ROBO1: variants seen among roughly 807,000 people sequenced by gnomAD.
ROBO1 encodes the protein roundabout homolog 1.
ROBO1 carries 149 observed loss-of-function variants against 195.9 expected under a neutral mutation model. That is an observed-to-expected ratio of 0.76 (90% confidence interval 0.67 to 0.87). ROBO1 has a LOEUF of 0.87. Ranked by LOEUF, ROBO1 falls within the 40% of genes least tolerant of loss-of-function variation. ROBO1 has a pLI of 0.00. For synonymous variants in ROBO1, 816 were observed against 733.2 expected, an observed-to-expected ratio of 1.11 and a Z score of -1.82; for missense variants, 1,933 against 2,068.3, an observed-to-expected ratio of 0.93 and a Z score of 1.27.
At chr3:79,014,628 T>C (rs1295747179) in intron 3 of ROBO1, among the ~76,000 whole-genome samples, 1 of 152,190 alleles carries the variant, frequency 6.6e-6, no homozygotes, top group East Asian at 1.9e-4. Context: ...ACTACACTTC[T>C]CCAGACTTCT....
intron 2 of ROBO1, among the ~76,000 whole-genome samples, chr3:79,567,334 C>A (rs1943122152): frequency 6.6e-6 from 1 of 152,058 alleles, no homozygotes; most frequent in Non-Finnish European, 1.5e-5. Flanking sequence ...AACAAACCAC[C>A]AGGACACATG....
chr3:79,137,016 T>A (rs1480702216), intron 2 of ROBO1, among the ~76,000 whole-genome samples: 2 of 152,054 alleles, frequency 1.3e-5, no homozygotes, highest in Non-Finnish European at 2.9e-5. Context: ...AAAGCAGCAA[T>A]ATGAGAACAG....
Position 79,320,505 on chromosome 3 carries a change from T to G in ROBO1, c.89-194966A>C, listed in dbSNP as rs188678478. ...ATCATGCCCAGCTAATTTTTGTAGT[T>G]TTTTTGCAGAGATGGAGTTTTGCCA... On this transcript the variant is annotated intron_variant, in intron 2 of 30. Coordinates refer to ENST00000464233, the MANE Select transcript of ROBO1 (RefSeq NM_002941.4). Among the ~76,000 whole-genome samples, 36 of 152,150 alleles carry G rather than the reference T, an allele frequency of 2.4e-4. No individual in the cohort carries two copies. The East Asian group carries it at 7.0e-3, about 29-fold the overall frequency.
intron 4 of ROBO1, among the ~76,000 whole-genome samples, chr3:78,851,369 T>C (rs1230865713): frequency 6.6e-6 from 1 of 152,204 alleles, no homozygotes; most frequent in East Asian, 1.9e-4. Context: ...ACATGCTTCT[T>C]AGTTTACGTA....
At chr3:79,079,793 C>A (rs1455603032) in intron 3 of ROBO1, among the ~76,000 whole-genome samples, 1 of 151,698 alleles carries the variant, frequency 6.6e-6, no homozygotes, top group Non-Finnish European at 1.5e-5. Flanking sequence ...ACATAATAAT[C>A]TCAATGTAAT....
chr3:79,382,478 A>G (rs1575752903), intron 2 of ROBO1, among the ~76,000 whole-genome samples: 1 of 152,300 alleles, frequency 6.6e-6, no homozygotes, highest in East Asian at 1.9e-4. Context: ...GGCTAAAGAC[A>G]GACAACTATT....
intron 4 of ROBO1, among the ~76,000 whole-genome samples, chr3:78,910,167 G>T (rs1158671308): frequency 6.6e-6 from 1 of 151,706 alleles, no homozygotes; most frequent in African/African-American, 2.4e-5. Context: ...AGCTGAAAAT[G>T]AATAATCTTC....
At position 78,746,926 on chromosome 3, in the gene ROBO1, T is replaced by C. The variant is rs779516707; in HGVS notation, c.500-26A>G. Reference sequence around the variant, plus strand: ...CTGTAGGAACAAGATTAAATCATTATACCCAAAAGTGATAGATACAGTCCT... The same window carrying C: ...CTGTAGGAACAAGATTAAATCATTACACCCAAAAGTGATAGATACAGTCCT... On this transcript the variant is annotated intron_variant, in intron 4 of 30. Transcript: ENST00000464233. The C allele has an allele frequency of 4.1e-6, 6 of 1,480,448 alleles. No individual in the cohort carries two copies. The East Asian group carries it at 1.4e-4, about 35-fold the overall frequency. 91.7% of individuals were successfully genotyped at this position (1,480,448 alleles called of 1,614,324 possible).
At chr3:79,336,243 A>C (rs1392445389) in intron 2 of ROBO1, among the ~76,000 whole-genome samples, 3 of 152,216 alleles carry the variant, frequency 2.0e-5, no homozygotes, top group Non-Finnish European at 2.9e-5. Context: ...ATGGGGAAAT[A>C]TCTCCAGGGC....
At chr3:79,002,198 T>C (rs1462739783) in intron 3 of ROBO1, among the ~76,000 whole-genome samples, 1 of 152,114 alleles carries the variant, frequency 6.6e-6, no homozygotes, top group Non-Finnish European at 1.5e-5. Context: ...CATGAAATGC[T>C]GGCCTGGAAT....
chr3:79,162,654 G>A (rs2080990509), intron 2 of ROBO1, among the ~76,000 whole-genome samples: 2 of 152,094 alleles, frequency 1.3e-5, no homozygotes, highest in Non-Finnish European at 2.9e-5. Context: ...GAAAAGTTGG[G>A]CAAACTTACG....
At chr3:79,039,519 T>C (rs1227033900) in intron 3 of ROBO1, among the ~76,000 whole-genome samples, 3 of 152,122 alleles carry the variant, frequency 2.0e-5, no homozygotes, top group African/African-American at 7.2e-5. Flanking sequence ...GTCTTGTGGC[T>C]GAGCGCTGTG....
intron 3 of ROBO1, among the ~76,000 whole-genome samples, chr3:79,026,096 T>C: frequency 6.6e-6 from 1 of 152,196 alleles, no homozygotes; most frequent in East Asian, 1.9e-4. Flanking sequence ...TACATATTGC[T>C]GACTGATCAG....
Position 79,398,796 on chromosome 3 carries a change from C to CT in ROBO1, c.88+191027dup, listed in dbSNP as rs561515091. Among the ~76,000 whole-genome samples, 20 of 152,180 alleles carry CT rather than the reference C, an allele frequency of 1.3e-4. No homozygotes were observed. The South Asian group carries it at 3.9e-3, about 30-fold the overall frequency. On this transcript the variant is annotated intron_variant, in intron 2 of 30. Coordinates refer to ENST00000464233, the MANE Select transcript of ROBO1 (RefSeq NM_002941.4). ...TAACCCTAAAAGTACTGATTCTCAA[C>CT]TTTTTTAAAAAAGGTTATTATTAGT...
At chr3:79,028,728 T>C (rs915030276) in intron 3 of ROBO1, among the ~76,000 whole-genome samples, 1 of 152,000 alleles carries the variant, frequency 6.6e-6, no homozygotes, top group African/African-American at 2.4e-5. Context: ...CAGATAACTA[T>C]GAAAAACCGT....
rs757166797 is a variant in ROBO1, at chr3:78,606,864, C to G, written c.4613G>C (p.Arg1538Thr). 1.3e-5 allele frequency: 21 copies of G among 1,613,774 alleles called. No homozygotes were observed. The highest frequency in any genetic ancestry group is 1.8e-5 in the Non-Finnish European group (21 of 1,179,884). ...SYKGREVLDGRQVVDMRTNPG... is the reference protein window; with the variant it reads ...SYKGREVLDGTQVVDMRTNPG... The stretch of plus-strand genomic sequence containing the variant: ...ATTTGTTCGCATGTCAACAACCTGT[C>G]TTCCATCCAACACTTCTCTCCCCTT... The change falls in exon 29 of 31, where the codon AGA becomes ACA. Residue 1538 changes from arginine (R) to threonine (T), a missense_variant. Arg to Thr is a moderately conservative substitution (Grantham distance 71). Transcript: ENST00000464233.
intron 1 of ROBO1, among the ~76,000 whole-genome samples, chr3:79,639,396 A>G (rs2106650044): frequency 6.6e-6 from 1 of 152,302 alleles, no homozygotes; most frequent in East Asian, 1.9e-4. Flanking sequence ...TAAAATATTC[A>G]TAGTAATAAT....
chr3:78,819,753 A>G (rs1264668948), intron 4 of ROBO1, among the ~76,000 whole-genome samples: 3 of 152,108 alleles, frequency 2.0e-5, no homozygotes, highest in Non-Finnish European at 4.4e-5. Flanking sequence ...CGTCTTGATT[A>G]TTTTGGTTTC....
chr3:79,339,983 A>G (rs994516094), intron 2 of ROBO1, among the ~76,000 whole-genome samples: 1 of 152,188 alleles, frequency 6.6e-6, no homozygotes, highest in Non-Finnish European at 1.5e-5. Flanking sequence ...TGACAGGCCT[A>G]TCAAGTTCCA....
Sources: allele counts gnomAD v4.1 joint callset (sites outside exome capture counted in the v4.1 genomes callset), GRCh38; gene constraint gnomAD v4.1.1; transcripts MANE v1.5; gene names NCBI Gene and HGNC (gene_info 2026-07-23, HGNC 2026-07-21).